The following TRPC4 variants were observed in gnomAD, a reference collection of about 807,000 sequenced individuals.
TRPC4 encodes the protein short transient receptor potential channel 4.
TRPC4 carries 49 observed loss-of-function variants against 99.4 expected under a neutral mutation model. That is an observed-to-expected ratio of 0.49 (90% CI 0.39 to 0.63). TRPC4 has a LOEUF of 0.63. Among genes scored for constraint, TRPC4 ranks in the 20% least tolerant of loss-of-function variants. The pLI, the probability that TRPC4 is intolerant of heterozygous loss-of-function variation, is 0.00. For synonymous variants in TRPC4, 454 were observed against 425.9 expected, an observed-to-expected ratio of 1.07 and a Z score of -0.81; for missense variants, 898 against 1,152.9, an observed-to-expected ratio of 0.78 and a Z score of 3.20.
chr13:37,856,613 A>T (rs1237509401), intron 1 of TRPC4, among the ~76,000 whole-genome samples: 1 of 151,678 alleles, frequency 6.6e-6, no homozygotes, highest in Non-Finnish European at 1.5e-5. Flanking sequence ...TCTGATGAAT[A>T]TTGAGACAAA....
At chr13:37,863,213 A>G (rs555138768) in intron 1 of TRPC4, among the ~76,000 whole-genome samples, 1 of 151,650 alleles carries the variant, frequency 6.6e-6, no homozygotes, top group Admixed American at 6.6e-5. Flanking sequence ...ATATAGAAAG[A>G]TTTAGGGGGC....
At position 37,747,093 on chromosome 13, in the gene TRPC4, G is replaced by A. The variant is rs146088839; in HGVS notation, c.379-638C>T. Among the ~76,000 whole-genome samples the A allele has an allele frequency of 4.5e-3, 692 of 152,192 alleles. 6 individuals carry two copies. The highest frequency in any genetic ancestry group is 0.016 in the African/African-American group (663 of 41,532). ...CATAACTAGCATTACTGTTTTATTA[G>A]AAATAAGCAAGCATTGAGTCGAGTC... On this transcript the variant is annotated intron_variant, in intron 2 of 10. Transcript: ENST00000379705.
chr13:37,843,677 T>G (rs1374613074), intron 1 of TRPC4, among the ~76,000 whole-genome samples: 2 of 124,982 alleles, frequency 1.6e-5, no homozygotes, highest in Non-Finnish European at 3.3e-5. Flanking sequence ...AACTGATGTT[T>G]GGTGACACAC....
chr13:37,860,313 C>T (rs1344284791), intron 1 of TRPC4, among the ~76,000 whole-genome samples: 2 of 151,170 alleles, frequency 1.3e-5, no homozygotes, highest in Non-Finnish European at 3.0e-5. Context: ...ATTGAGCACT[C>T]ATTTTAGTGT....
intron 1 of TRPC4, among the ~76,000 whole-genome samples, chr13:37,810,370 A>G (rs1366564864): frequency 2.0e-5 from 3 of 152,176 alleles, no homozygotes; most frequent in Middle Eastern, 6.8e-3. Context: ...TAGATTTTTC[A>G]TATTGCTAAT....
chr13:37,705,721 C>A (rs552269606), intron 3 of TRPC4, among the ~76,000 whole-genome samples: 7 of 152,084 alleles, frequency 4.6e-5, no homozygotes, highest in Admixed American at 3.3e-4. Context: ...TATTTACCTG[C>A]ATCTTTCTCA....
At chr13:37,782,555 TAAC>T (rs1956867365) in intron 2 of TRPC4, among the ~76,000 whole-genome samples, 1 of 151,704 alleles carries the variant, frequency 6.6e-6, no homozygotes, top group Non-Finnish European at 1.5e-5. Context: ...AATAGGAAAA[TAAC>T]AAAATAATTC....
chr13:37,822,840 C>A lies in TRPC4; in HGVS notation c.-27-39480G>T, dbSNP rs908850848. On this transcript the variant is annotated intron_variant, in intron 1 of 10. Transcript: ENST00000379705. The stretch of plus-strand genomic sequence containing the variant: ...TTCTAGTTCTAGATCCCTGAGGAAT[C>A]GCCACACTGACTTCCACAATTGTTG... 5.9e-5 allele frequency among the ~76,000 whole-genome samples: 9 copies of A among 151,860 alleles called. No homozygotes were observed. The East Asian group carries it at 1.8e-3, about 30-fold the overall frequency.
intron 1 of TRPC4, among the ~76,000 whole-genome samples, chr13:37,850,934 G>A (rs1326362377): frequency 6.6e-6 from 1 of 152,112 alleles, no homozygotes; most frequent in East Asian, 1.9e-4. Context: ...ATAAAAGTAT[G>A]TGCCACACCA....
intron 4 of TRPC4, among the ~76,000 whole-genome samples, chr13:37,682,851 G>A (rs1178828942): frequency 1.3e-5 from 2 of 151,510 alleles, no homozygotes; most frequent in Non-Finnish European, 1.5e-5. Flanking sequence ...CTGAGCTCAT[G>A]CAATGCTCCC....
intron 3 of TRPC4, among the ~76,000 whole-genome samples, chr13:37,703,183 C>T (rs574109014): frequency 8.5e-5 from 13 of 152,250 alleles, no homozygotes; most frequent in East Asian, 3.9e-4. Flanking sequence ...GGTTTCATCA[C>T]GTTCCTAAGG....
rs984243102 is a variant in TRPC4 at position 37,668,481 on chromosome 13, C to G, written c.1375-4752G>C. Among the ~76,000 whole-genome samples the G allele has an allele frequency of 9.9e-5, 15 of 152,100 alleles. 1 individual carries two copies. In the South Asian group the frequency reaches 1.7e-3, roughly 17 times the overall value. On this transcript the variant is annotated intron_variant, in intron 5 of 10. Coordinates refer to ENST00000379705, the MANE Select transcript of TRPC4 (RefSeq NM_016179.4). Reference sequence around the variant, plus strand: ...AACAAAGTGGTTAGAGAATATGGATCATTTTTATAAATGTATCTTGACACA... The same window carrying G: ...AACAAAGTGGTTAGAGAATATGGATGATTTTTATAAATGTATCTTGACACA...
chr13:37,675,124 C>A (rs1458963784), intron 4 of TRPC4, among the ~76,000 whole-genome samples: 1 of 151,930 alleles, frequency 6.6e-6, no homozygotes, highest in Non-Finnish European at 1.5e-5. Context: ...TTAACACAAG[C>A]AAACAGTGAG....
At chr13:37,751,007 A>G (rs1472162608) in intron 2 of TRPC4, among the ~76,000 whole-genome samples, 7 of 152,224 alleles carry the variant, frequency 4.6e-5, no homozygotes. Flanking sequence ...CTTTCTTCCT[A>G]TAGAAAATGG....
At chr13:37,782,475 A>G (rs973425844) in intron 2 of TRPC4, among the ~76,000 whole-genome samples, 1 of 152,126 alleles carries the variant, frequency 6.6e-6, no homozygotes, top group South Asian at 2.1e-4. Flanking sequence ...TTAAAGGATA[A>G]TATCAAAATT....
intron 4 of TRPC4, among the ~76,000 whole-genome samples, chr13:37,680,834 C>A (rs1011741485): frequency 3.9e-5 from 6 of 152,132 alleles, no homozygotes; most frequent in Admixed American, 3.3e-4. Context: ...TTCATTCCAA[C>A]TTAATGAATT....
At chr13:37,676,777 C>T (rs1270799485) in intron 4 of TRPC4, among the ~76,000 whole-genome samples, 3 of 151,438 alleles carry the variant, frequency 2.0e-5, no homozygotes, top group Non-Finnish European at 4.4e-5. Flanking sequence ...ACTTTTTCTT[C>T]AATCAAAATC....
At chr13:37,782,059 ACCGCTGCAGAATCTG>A (rs1956854990) in intron 2 of TRPC4, among the ~76,000 whole-genome samples, 1 of 152,128 alleles carries the variant, frequency 6.6e-6, no homozygotes, top group African/African-American at 2.4e-5. Context: ...AGATTTTTGA[ACCGCTGCAGAATCTG>A]CAGTGTCTTT....
At chr13:37,717,923 TA>T (rs1369388945) in intron 3 of TRPC4, among the ~76,000 whole-genome samples, 1 of 152,022 alleles carries the variant, frequency 6.6e-6, no homozygotes, top group East Asian at 1.9e-4. Context: ...TGGAAGACAG[TA>T]AAAACTTGGA....
Sources: allele counts gnomAD v4.1 joint callset (sites outside exome capture counted in the v4.1 genomes callset), GRCh38; gene constraint gnomAD v4.1.1; transcripts MANE v1.5; gene names NCBI Gene and HGNC (gene_info 2026-07-23, HGNC 2026-07-21).